Variants in UGT2B7 observed in about 807,000 individuals in gnomAD.
UGT2B7 encodes the protein UDP glucuronosyltransferase family 2 member B7.
UGT2B7 carries 51 observed loss-of-function variants against 51.9 expected under a neutral mutation model. That is an observed-to-expected ratio of 0.98 (90% CI 0.78 to 1.24). The LOEUF (loss-of-function observed/expected upper bound fraction) is 1.24. Among genes scored for constraint, UGT2B7 ranks in the 50% most tolerant of loss-of-function variants. The probability of loss-of-function intolerance (pLI) is 0.00; values close to 1 mark genes in which losing one functional copy is unlikely to be tolerated. For synonymous variants in UGT2B7, 225 were observed against 211.6 expected (o/e 1.06, Z -0.55); for missense variants, 727 against 628.4 (o/e 1.16, Z -1.68).
At chr4:69,087,239 T>C (rs986660371) in intron 1 of UGT2B7, among the ~76,000 whole-genome samples, 11 of 151,978 alleles carry the variant, frequency 7.2e-5, no homozygotes, top group African/African-American at 1.2e-4. Context: ...TCTTAGTTAA[T>C]GAAAGATTTA....
intron 1 of UGT2B7, among the ~76,000 whole-genome samples, chr4:69,072,534 TAAAAC>T (rs1293525429): frequency 5.9e-5 from 9 of 152,194 alleles, no homozygotes; most frequent in Non-Finnish European, 1.2e-4. Flanking sequence ...TCTTAAAAGA[TAAAAC>T]AAATATGCTA....
chr4:69,066,194 C>T (rs896668207), intron 1 of UGT2B7, among the ~76,000 whole-genome samples: 9 of 152,094 alleles, frequency 5.9e-5, no homozygotes, highest in South Asian at 2.1e-4. Context: ...TAAGTTCAGG[C>T]GTACATGTTC....
chr4:69,064,786 C>G (rs1246646840), intron 1 of UGT2B7, among the ~76,000 whole-genome samples: 5 of 152,122 alleles, frequency 3.3e-5, no homozygotes, highest in Admixed American at 6.5e-5. Flanking sequence ...TCTGGTACTC[C>G]TGATTCCTGC....
chr4:69,055,975 C>G (rs938070203), intron 1 of UGT2B7, among the ~76,000 whole-genome samples: 1 of 152,118 alleles, frequency 6.6e-6, no homozygotes, highest in African/African-American at 2.4e-5. Context: ...ACTGTTTAGG[C>G]CCACCCAGAA....
At chr4:69,099,808 A>G (rs1338598711) in intron 2 of UGT2B7, among the ~76,000 whole-genome samples, 1 of 152,018 alleles carries the variant, frequency 6.6e-6, no homozygotes, top group Non-Finnish European at 1.5e-5. Context: ...ATCATTCTTC[A>G]TTTAATAGAA....
rs1222222903 is a variant in UGT2B7 at position 69,063,328 on chromosome 4, A to AAAAAGAAG, written c.-159+11730_-159+11731insGAAGAAAA. ...AGCGAGACTCCGTCTCAAAAAAAAA[A>AAAAAGAAG]AAAAAAAAAAAGAAACACAGTAATT... is the stretch of plus-strand genomic sequence containing the variant. On this transcript the variant is annotated intron_variant, in intron 1 of 5. Coordinates refer to the UGT2B7 transcript ENST00000502942. Among the ~76,000 whole-genome samples the AAAAAGAAG allele has an allele frequency of 1.4e-3, 205 of 150,364 alleles. 8 individuals carry two copies. In the East Asian group the frequency reaches 0.037, roughly 27 times the overall value.
intron 4 of UGT2B7, among the ~76,000 whole-genome samples, chr4:69,107,826 T>C (rs1056200051): frequency 1.3e-5 from 2 of 152,120 alleles, no homozygotes; most frequent in African/African-American, 4.8e-5. Flanking sequence ...CCTATCTCTT[T>C]GCTGTCTTCT....
intron 1 of UGT2B7, among the ~76,000 whole-genome samples, chr4:69,087,078 G>GTC (rs1042516443): frequency 8.3e-5 from 12 of 144,490 alleles, no homozygotes; most frequent in Non-Finnish European, 1.4e-4. Flanking sequence ...CTCTCTCTCT[G>GTC]TCTCTCTCTC....
At chr4:69,073,472 T>A (rs1043946741) in intron 1 of UGT2B7, among the ~76,000 whole-genome samples, 1 of 152,148 alleles carries the variant, frequency 6.6e-6, no homozygotes, top group Non-Finnish European at 1.5e-5. Context: ...AGATCTAGAA[T>A]CCTGATTCAT....
chr4:69,108,198 T>C lies in UGT2B7; in HGVS notation c.1186T>C (p.Phe396Leu). ...GATCCCTATGGTGGGGATTCCATTGTTTGCCGATCAACCTGATAACATTGC... is the reference window on the plus strand; with the variant it reads ...GATCCCTATGGTGGGGATTCCATTGCTTGCCGATCAACCTGATAACATTGC... ...HGIPMVGIPL[F>L]ADQPDNIAHM... The change falls in exon 5 of 6, where the codon TTT (phenylalanine) becomes CTT (leucine). Residue 396 changes from phenylalanine (F) to leucine (L), a missense_variant. Phe to Leu is a conservative substitution (Grantham distance 22). Transcript: ENST00000305231. 3 of 1,613,822 alleles carry C rather than the reference T, an allele frequency of 1.9e-6. No homozygotes were observed. The highest frequency in any genetic ancestry group is 2.5e-6 in the Non-Finnish European group (3 of 1,179,782).
At position 69,060,556 on chromosome 4, in the gene UGT2B7, T is replaced by C. The variant is rs185825720; in HGVS notation, c.-159+8954T>C. Among the ~76,000 whole-genome samples, 10 of 152,340 alleles carry C rather than the reference T, an allele frequency of 6.6e-5. No homozygotes were observed. In the East Asian group the frequency reaches 1.7e-3, roughly 26 times the overall value. The stretch of plus-strand genomic sequence containing the variant: ...AGATCTAACTAAGCCTTTCTTTTTA[T>C]ATGTCCATGAGCAAAAGGGAATGGC... On this transcript the variant is annotated intron_variant, in intron 1 of 5. Transcript: ENST00000502942.
At chr4:69,111,544 G>A (rs1456308201) in intron 5 of UGT2B7, among the ~76,000 whole-genome samples, 1 of 152,098 alleles carries the variant, frequency 6.6e-6, no homozygotes. Context: ...CATGTTCTCC[G>A]TATGTCTGTT....
chr4:69,064,946 A>G (rs1718455017), intron 1 of UGT2B7, among the ~76,000 whole-genome samples: 2 of 152,172 alleles, frequency 1.3e-5, no homozygotes, highest in South Asian at 4.1e-4. Context: ...TATTATTATG[A>G]TAGTGGTGGC....
Position 69,070,888 on chromosome 4 carries a change from T to C in UGT2B7, c.-158-18584T>C, listed in dbSNP as rs74798454. Among the ~76,000 whole-genome samples, 8 of 152,250 alleles carry C rather than the reference T, an allele frequency of 5.3e-5. No individual in the cohort carries two copies. The East Asian group carries it at 1.5e-3, about 29-fold the overall frequency. On this transcript the variant is annotated intron_variant, in intron 1 of 5. Coordinates refer to the UGT2B7 transcript ENST00000502942. ...AGGCAAGTTCTTCATGTTAAATAGA[T>C]GTTTCCAATTCATATCCTTCATGAA...
intron 1 of UGT2B7, among the ~76,000 whole-genome samples, chr4:69,076,530 T>G (rs953875934): frequency 6.6e-6 from 1 of 152,216 alleles, no homozygotes; most frequent in Non-Finnish European, 1.5e-5. Context: ...GCTCTAATGA[T>G]GAGTGATAAT....
At chr4:69,084,330 T>TTCTCTCTCTGTCTC (rs1718901725) in intron 1 of UGT2B7, among the ~76,000 whole-genome samples, 1 of 148,124 alleles carries the variant, frequency 6.8e-6, no homozygotes, top group African/African-American at 2.5e-5. Context: ...TCTATAAATT[T>TTCTCTCTCTGTCTC]TCTCTCTCTC....
chr4:69,065,208 A>G (rs1718459498), intron 1 of UGT2B7, among the ~76,000 whole-genome samples: 1 of 152,194 alleles, frequency 6.6e-6, no homozygotes, highest in African/African-American at 2.4e-5. Flanking sequence ...TCAGAGGGCT[A>G]TTTAGAAAAA....
Position 69,106,891 on chromosome 4 carries a change from G to A in UGT2B7, c.1003-284G>A, listed in dbSNP as rs143789825. Among the ~76,000 whole-genome samples, 147 of 151,044 alleles carry A rather than the reference G, an allele frequency of 9.7e-4. 1 individual carries two copies. Among genetic ancestry groups the A allele is most frequent in the African/African-American group, 3.3e-3 (134 of 41,182 alleles). ...TTTTTCATATGATGGTTGGCCACAC[G>A]TAGGTTTTCTTTTAAAAGGTGTAAC... On this transcript the variant is annotated intron_variant, in intron 3 of 5. Coordinates refer to ENST00000305231, the MANE Select transcript of UGT2B7 (RefSeq NM_001074.4).
At chr4:69,053,047 C>A (rs1286192375) in intron 1 of UGT2B7, among the ~76,000 whole-genome samples, 2 of 152,066 alleles carry the variant, frequency 1.3e-5, no homozygotes, top group Middle Eastern at 6.8e-3. Flanking sequence ...AGTAAAAATG[C>A]AACAGGTTTT....
Sources: gnomAD v4.1 joint callset for allele counts (sites outside exome capture counted in the v4.1 genomes callset) on GRCh38, gnomAD v4.1.1 for gene constraint, MANE v1.5 for transcripts, NCBI Gene and HGNC (gene_info 2026-07-23, HGNC 2026-07-21) for gene names.